The following SBNO2 variants were observed in gnomAD, a reference collection of about 807,000 sequenced individuals.
SBNO2 encodes protein strawberry notch homolog 2.
SBNO2 carries 89 observed loss-of-function variants against 146.3 expected under a neutral mutation model. The observed-to-expected ratio is 0.61, with a 90% CI of 0.51 to 0.73. The LOEUF (loss-of-function observed/expected upper bound fraction) is 0.73, where lower values mean the gene tolerates loss of function less well. SBNO2 is among the 30% of genes least tolerant of loss of function. SBNO2 has a pLI of 0.00. For missense variants in SBNO2, 2,092 were observed against 2,003.7 expected (o/e 1.04, Z -0.84); for synonymous variants, 1,147 against 892.6 (o/e 1.29, Z -5.08).
At chr19:1,114,470 A>G in intron 17 of SBNO2, 48 bp from the exon 18 acceptor site, 1 of 1,441,786 alleles carries the variant, frequency 6.9e-7, no homozygotes. Context: ...AGCAAGGTGG[A>G]GGAGCAGGTG....
Position 1,123,063 on chromosome 19 carries a change from G to C in SBNO2, c.629-18C>G. 1 of 1,589,262 alleles carries C rather than the reference G, an allele frequency of 6.3e-7. No homozygotes were observed. Among genetic ancestry groups the C allele is most frequent in the South Asian group, 1.1e-5 (1 of 87,152 alleles). Reference sequence around the variant, plus strand: ...GATCTTGGCTGGAGGAGCAAGGACGGAGGGCAAGGTAAAGGGTATGGCCAA... The same window carrying C: ...GATCTTGGCTGGAGGAGCAAGGACGCAGGGCAAGGTAAAGGGTATGGCCAA... On this transcript the variant is annotated intron_variant, in intron 7 of 31. Coordinates refer to ENST00000361757, the MANE Select transcript of SBNO2 (RefSeq NM_014963.3).
rs1568656915 is a variant in SBNO2, at chr19:1,171,065, G to GCA, written c.-127+3105_-127+3106dup. ...GACTCATGAACATGGGTACACACAGGCACACACACAACACAAACACGGGTG... is the reference window on the plus strand; with the variant it reads ...GACTCATGAACATGGGTACACACAGGCACACACACACAACACAAACACGGGTG... On this transcript the variant is annotated intron_variant, in intron 1 of 31. Coordinates refer to ENST00000361757, the MANE Select transcript of SBNO2 (RefSeq NM_014963.3). Among the ~76,000 whole-genome samples, 3 of 151,478 alleles carry GCA rather than the reference G, an allele frequency of 2.0e-5. No individual in the cohort carries two copies. The South Asian group carries it at 6.3e-4, about 32-fold the overall frequency.
intron 4 of SBNO2, among the ~76,000 whole-genome samples, chr19:1,131,532 C>A (rs2080028316): frequency 6.6e-6 from 1 of 152,218 alleles, no homozygotes; most frequent in African/African-American, 2.4e-5. Context: ...GACTCCAGAC[C>A]TGATGTGCTG....
In SBNO2 at chr19:1,117,512, G is replaced by A. The variant is rs778246095; in HGVS notation, c.1528-13C>T. ...GGGCCTCGGCCCACTGCAATGACACGTCACAAGGCGCCCCTGAGCTGTGGC... is the reference window on the plus strand; with the variant it reads ...GGGCCTCGGCCCACTGCAATGACACATCACAAGGCGCCCCTGAGCTGTGGC... On this transcript the variant is annotated splice_polypyrimidine_tract_variant and intron_variant, in intron 14 of 31. Transcript: ENST00000361757. 8.9e-5 allele frequency: 140 copies of A among 1,564,406 alleles called. No individual in the cohort carries two copies. The highest frequency in any genetic ancestry group is 1.1e-4 in the Non-Finnish European group (131 of 1,156,070).
intron 11 of SBNO2, among the ~76,000 whole-genome samples, chr19:1,121,338 G>A (rs939553918): frequency 2.6e-5 from 4 of 152,352 alleles, no homozygotes; most frequent in African/African-American, 9.6e-5. Flanking sequence ...CTATTTCGTA[G>A]ATTGTTGCAC....
chr19:1,109,385 C>T lies in SBNO2; in HGVS notation c.3255G>A (p.Gln1085=). 6.4e-7 allele frequency: 1 copy of T among 1,573,022 alleles called. No individual in the cohort carries two copies. The highest frequency in any genetic ancestry group is 1.3e-5 in the African/African-American group (1 of 74,114). ...GNKPSCLLAE[Q]NRGQFFTVYK... ...ACACCGTGAAGAACTGGCCGCGGTT[C>T]TGCTCCGCCAGCAGGCAGCTGGGCT... Residue 1085 remains glutamine, a synonymous_variant, in exon 29 of 32, where the codon CAG becomes CAA. Coordinates refer to ENST00000361757, the MANE Select transcript of SBNO2 (RefSeq NM_014963.3). This position sits in a 1 kb window ranked among gnomAD's most constrained non-coding sequence, Gnocchi z 4.2.
intron 1 of SBNO2, among the ~76,000 whole-genome samples, chr19:1,163,919 A>G (rs2080375287): frequency 6.6e-6 from 1 of 152,158 alleles, no homozygotes; most frequent in African/African-American, 2.4e-5. Context: ...TCACCGCCCC[A>G]TACCCCAGGA....
chr19:1,155,301 C>T (rs918030971), intron 1 of SBNO2, among the ~76,000 whole-genome samples: 9 of 152,210 alleles, frequency 5.9e-5, no homozygotes, highest in Non-Finnish European at 1.2e-4. Flanking sequence ...ACGTCTCTGC[C>T]CGGCGCTCCA....
At position 1,158,674 on chromosome 19, in the gene SBNO2, A is replaced by T. The variant is rs2080315136; in HGVS notation, c.-126-4272T>A. On this transcript the variant is annotated intron_variant, in intron 1 of 31. Transcript: ENST00000361757. The surrounding 1 kb of genome is among the most constrained non-coding windows in gnomAD (Gnocchi z 9.9). ...CGACCGTGGTGATGGAGCCCGGCAGAGGCCACCGCACAGTCCCTGGAGGCC... is the reference window on the plus strand; with the variant it reads ...CGACCGTGGTGATGGAGCCCGGCAGTGGCCACCGCACAGTCCCTGGAGGCC... 6.6e-6 allele frequency among the ~76,000 whole-genome samples: 1 copy of T among 152,160 alleles called. No homozygotes were observed. The highest frequency in any genetic ancestry group is 6.5e-5 in the Admixed American group (1 of 15,280).
intron 1 of SBNO2, among the ~76,000 whole-genome samples, chr19:1,163,448 C>T (rs555049472): frequency 1.2e-4 from 18 of 152,340 alleles, no homozygotes; most frequent in African/African-American, 4.1e-4. Flanking sequence ...CTCTAAGCCA[C>T]CCAGTTTGCA....
chr19:1,110,979 G>A lies in SBNO2; in HGVS notation c.2884+40C>T, dbSNP rs191437815. 2.9e-3 allele frequency: 4,578 copies of A among 1,598,740 alleles called. 93 individuals carry two copies. The African/African-American group carries it at 0.047, about 16-fold the overall frequency. On this transcript the variant is annotated intron_variant, in intron 25 of 31. Coordinates refer to ENST00000361757, the MANE Select transcript of SBNO2 (RefSeq NM_014963.3). This position sits in a 1 kb window ranked among gnomAD's most constrained non-coding sequence, Gnocchi z 4.9. The stretch of plus-strand genomic sequence containing the variant: ...CCGAGGCCAAGGTTGCATGAGATGA[G>A]AGACAGGAGCGCCTCTGGGCCTGGG...
Position 1,173,833 on chromosome 19 carries a change from G to T in SBNO2, c.-127+339C>A. The stretch of plus-strand genomic sequence containing the variant: ...GGGGGTCACCAAGCTGCGCGGTACA[G>T]GGAGTCACCCGGAAGAGCGGGAAGG... On this transcript the variant is annotated intron_variant, in intron 1 of 31. Transcript: ENST00000361757. The surrounding 1 kb of genome is among the most constrained non-coding windows in gnomAD (Gnocchi z 4.7). 1 of 152,366 alleles carries T rather than the reference G, an allele frequency of 6.6e-6. No individual in the cohort carries two copies. The highest frequency in any genetic ancestry group is 1.5e-5 in the Non-Finnish European group (1 of 68,204). The allele number at this position is 152,366 out of a possible 1,614,324, so 9.4% of individuals were successfully genotyped here. A position where few individuals can be genotyped will look rare whatever the true frequency, so the allele number is the denominator to read the frequency against.
intron 4 of SBNO2, chr19:1,132,342 G>GC: frequency 8.0e-7 from 1 of 1,256,946 alleles, no homozygotes; most frequent in Non-Finnish European, 1.0e-6. Flanking sequence ...AATGATGCCG[G>GC]CCCCGTAAGT....
chr19:1,156,613 G>A (rs2080291550), intron 1 of SBNO2, among the ~76,000 whole-genome samples: 1 of 152,260 alleles, frequency 6.6e-6, no homozygotes, highest in Non-Finnish European at 1.5e-5. Flanking sequence ...TCCACGGATA[G>A]GCGAGTGGAC....
rs536818229 is a variant in SBNO2 at position 1,110,226 on chromosome 19, C to G, written c.3029-449G>C. ...GCTCATGAGTGAAGTAGCCATGGCC[C>G]GGACCCGACCCTCATCTGGACACAG... On this transcript the variant is annotated intron_variant, in intron 26 of 31. Coordinates refer to ENST00000361757, the MANE Select transcript of SBNO2 (RefSeq NM_014963.3). The surrounding 1 kb of genome is among the most constrained non-coding windows in gnomAD (Gnocchi z 4.9). Among the ~76,000 whole-genome samples the G allele has an allele frequency of 6.6e-6, 1 of 152,228 alleles. No homozygotes were observed. The highest frequency in any genetic ancestry group is 2.4e-5 in the African/African-American group (1 of 41,526).
At chr19:1,170,186 G>T (rs2080464168) in intron 1 of SBNO2, among the ~76,000 whole-genome samples, 1 of 152,216 alleles carries the variant, frequency 6.6e-6, no homozygotes, top group South Asian at 2.1e-4. Flanking sequence ...CCCAGGGCGA[G>T]AGCTGATGGG....
intron 1 of SBNO2, among the ~76,000 whole-genome samples, chr19:1,172,529 TC>T (rs1417429833): frequency 1.3e-5 from 2 of 152,058 alleles, no homozygotes; most frequent in African/African-American, 4.8e-5. Flanking sequence ...CTGCTCCTCT[TC>T]CAGGGCCGAG....
At chr19:1,171,633 C>T (rs949131431) in intron 1 of SBNO2, among the ~76,000 whole-genome samples, 1 of 152,172 alleles carries the variant, frequency 6.6e-6, no homozygotes, top group Non-Finnish European at 1.5e-5. Flanking sequence ...CTCACTCTGG[C>T]GGTGTTGGCG....
At chr19:1,160,478 G>A (rs1490365959) in intron 1 of SBNO2, among the ~76,000 whole-genome samples, 1 of 152,214 alleles carries the variant, frequency 6.6e-6, no homozygotes, top group African/African-American at 2.4e-5. Flanking sequence ...GGAGACCCGG[G>A]GGAGGACGCA....
Sources: gnomAD v4.1 joint callset for allele counts (sites outside exome capture counted in the v4.1 genomes callset) on GRCh38, gnomAD v4.1.1 for gene constraint, Gnocchi (gnomAD v3.1) non-coding constraint, MANE v1.5 for transcripts, NCBI Gene and HGNC (gene_info 2026-07-23, HGNC 2026-07-21) for gene names.